The following LRRFIP1 variants were observed in gnomAD, a reference collection of about 807,000 sequenced individuals.
LRRFIP1 encodes LRR binding FLII interacting protein 1, also known as leucine-rich repeat flightless-interacting protein 1.
In LRRFIP1, 62 loss-of-function variants were observed where a neutral mutation model predicts 104.4. That is an observed-to-expected ratio of 0.59 (90% CI 0.48 to 0.73). The LOEUF is 0.73. Ranked by LOEUF, LRRFIP1 falls within the 30% of genes least tolerant of loss-of-function variation. The pLI is 0.00. For synonymous variants in LRRFIP1, 300 were observed against 299.0 expected (o/e 1.00, Z -0.03); for missense variants, 796 against 824.5 (o/e 0.97, Z 0.42).
intron 1 of LRRFIP1, among the ~76,000 whole-genome samples, chr2:237,693,188 T>G (rs1308354344): frequency 1.3e-5 from 2 of 152,228 alleles, no homozygotes; most frequent in African/African-American, 4.8e-5. Context: ...AGCTTGTGGT[T>G]GAACATGAAT....
chr2:237,642,660 A>G (rs2084190511), intron 1 of LRRFIP1, among the ~76,000 whole-genome samples: 1 of 148,232 alleles, frequency 6.7e-6, no homozygotes, highest in African/African-American at 2.5e-5. Context: ...TCTAGGTTCC[A>G]TGTTTCAGGT....
chr2:237,752,170 C>T (rs2058701430), intron 14 of LRRFIP1, among the ~76,000 whole-genome samples: 1 of 152,176 alleles, frequency 6.6e-6, no homozygotes, highest in Admixed American at 6.5e-5. Flanking sequence ...CTTTGGGAGG[C>T]CGAGGTGGGT....
chr2:237,667,626 C>A (rs2089640567), intron 1 of LRRFIP1, among the ~76,000 whole-genome samples: 1 of 152,214 alleles, frequency 6.6e-6, no homozygotes, highest in Non-Finnish European at 1.5e-5. Context: ...CCTGAGGAAT[C>A]CCCACACTGT....
At chr2:237,733,666 C>A in intron 8 of LRRFIP1, 108 bp from the exon 9 acceptor site, 2 of 1,083,784 alleles carry the variant, frequency 1.8e-6, no homozygotes, top group Non-Finnish European at 1.4e-6. Flanking sequence ...AACCACTGTA[C>A]AGCAGTTGGC....
chr2:237,720,260 T>C (rs554968055), intron 5 of LRRFIP1, among the ~76,000 whole-genome samples: 1 of 145,756 alleles, frequency 6.9e-6, no homozygotes, highest in East Asian at 2.1e-4. Flanking sequence ...AAATTACTTT[T>C]TTTTTGAGAT....
chr2:237,779,041 G>A (rs970976218), intron 23 of LRRFIP1, among the ~76,000 whole-genome samples: 3 of 152,192 alleles, frequency 2.0e-5, no homozygotes, highest in African/African-American at 7.2e-5. Flanking sequence ...GGCCAACATG[G>A]CAAAACCCCG....
At chr2:237,640,516 G>A (rs1016623197) in intron 1 of LRRFIP1, among the ~76,000 whole-genome samples, 2 of 152,108 alleles carry the variant, frequency 1.3e-5, no homozygotes, top group Non-Finnish European at 2.9e-5. Context: ...TGGAGGTGGG[G>A]CTGGAGACCC....
chr2:237,667,309 T>C (rs2089575979), intron 1 of LRRFIP1, among the ~76,000 whole-genome samples: 1 of 152,194 alleles, frequency 6.6e-6, no homozygotes, highest in East Asian at 1.9e-4. Context: ...GAGAACATGT[T>C]GGTTTTCTGT....
At position 237,661,442 on chromosome 2, in the gene LRRFIP1, TC is replaced by T. The variant is rs1483537236; in HGVS notation, c.96+33704del. ...GGAAACTTTTTGTTCCCCAAAGCCC[TC>T]CAGCTGGCCGGGCTGCCCTCCCCAG... On this transcript the variant is annotated intron_variant, in intron 1 of 23. Coordinates refer to ENST00000308482, the MANE Select transcript of LRRFIP1 (RefSeq NM_001137550.2). This position sits in a 1 kb window ranked among gnomAD's most constrained non-coding sequence, Gnocchi z 4.4. Among the ~76,000 whole-genome samples the T allele has an allele frequency of 1.1e-4, 17 of 152,088 alleles. No individual in the cohort carries two copies. Among genetic ancestry groups the T allele is most frequent in the Admixed American group, 1.1e-3 (17 of 15,264 alleles).
chr2:237,723,486 A>G, intron 6 of LRRFIP1, 62 bp from the exon 7 acceptor site: 1 of 1,547,074 alleles, frequency 6.5e-7, no homozygotes, highest in Non-Finnish European at 8.9e-7. Context: ...TTAGCTTTTA[A>G]ATTTACTTTT....
intron 6 of LRRFIP1, among the ~76,000 whole-genome samples, chr2:237,722,753 C>G (rs1209694129): frequency 6.6e-6 from 1 of 152,122 alleles, no homozygotes; most frequent in African/African-American, 2.4e-5. Flanking sequence ...CAAACAAGCC[C>G]AGAGTGGTGA....
rs2094511463 is a variant in LRRFIP1 at position 237,720,829 on chromosome 2, A to G, written c.345+7A>G. On this transcript the variant is annotated splice_region_variant and intron_variant, in intron 6 of 23. Transcript: ENST00000308482. ...TAGTCGTGGAAGCCTGAGGGTCAGTAACCAGAATGATGGAGTTTGCATGGC... is the reference window on the plus strand; with the variant it reads ...TAGTCGTGGAAGCCTGAGGGTCAGTGACCAGAATGATGGAGTTTGCATGGC... 4.3e-6 allele frequency: 7 copies of G among 1,613,756 alleles called. No homozygotes were observed. The highest frequency in any genetic ancestry group is 5.9e-6 in the Non-Finnish European group (7 of 1,179,638).
intron 1 of LRRFIP1, among the ~76,000 whole-genome samples, chr2:237,695,229 T>A (rs2093093087): frequency 6.6e-6 from 1 of 152,316 alleles, no homozygotes; most frequent in Non-Finnish European, 1.5e-5. Context: ...TTTCCCTTTT[T>A]CTTTAAGAGT....
chr2:237,673,282 G>A lies in LRRFIP1; in HGVS notation c.97-35262G>A, dbSNP rs574604537. 5.2e-4 allele frequency among the ~76,000 whole-genome samples: 79 copies of A among 152,348 alleles called. 2 individuals carry two copies. In the South Asian group the frequency reaches 0.016, roughly 31 times the overall value. Reference sequence around the variant, plus strand: ...TGGTCTGTAGGAGATGGGACAATGCGGGGACAGCGCTGGGAGGGCCCGCAG... The same window carrying A: ...TGGTCTGTAGGAGATGGGACAATGCAGGGACAGCGCTGGGAGGGCCCGCAG... On this transcript the variant is annotated intron_variant, in intron 1 of 23. Coordinates refer to ENST00000308482, the MANE Select transcript of LRRFIP1 (RefSeq NM_001137550.2).
At position 237,760,165 on chromosome 2, in the gene LRRFIP1, A is replaced by G; in HGVS notation, c.1419A>G (p.Glu473=). ...AAGGTCCTACCAAGATGACAAAAGA[A>G]GAGTTAAATGCCCTCAAGTCGACAG... ...GYQGPTKMTK[E]ELNALKSTGD... The change falls in exon 19 of 24, where the codon GAA becomes GAG. Residue 473 remains glutamate (E), a synonymous_variant. Transcript: ENST00000308482. 6.2e-7 allele frequency: 1 copy of G among 1,614,164 alleles called. No homozygotes were observed. Among genetic ancestry groups the G allele is most frequent in the Non-Finnish European group, 8.5e-7 (1 of 1,180,000 alleles).
intron 8 of LRRFIP1, among the ~76,000 whole-genome samples, chr2:237,730,890 C>T (rs193220273): frequency 3.9e-5 from 6 of 152,086 alleles, no homozygotes; most frequent in African/African-American, 1.5e-4. Context: ...TGCACTCCAG[C>T]CTGGGCGACA....
chr2:237,720,244 G>A (rs1027669589), intron 5 of LRRFIP1, among the ~76,000 whole-genome samples: 2 of 148,970 alleles, frequency 1.3e-5, no homozygotes, highest in African/African-American at 5.0e-5. Context: ...ACCGTGCCTG[G>A]CCCTGAAATT....
At chr2:237,733,218 G>C (rs2095090557) in intron 8 of LRRFIP1, among the ~76,000 whole-genome samples, 1 of 152,192 alleles carries the variant, frequency 6.6e-6, no homozygotes. Context: ...GTGCTAGGCA[G>C]GATTCTCCTT....
chr2:237,770,907 G>A (rs2060561714), intron 20 of LRRFIP1: 1 of 152,168 alleles, frequency 6.6e-6, no homozygotes, highest in Non-Finnish European at 1.5e-5. Context: ...CTAATCAAAT[G>A]TATTTGCCTT....
Sources: gnomAD v4.1 joint callset for allele counts (sites outside exome capture counted in the v4.1 genomes callset) on GRCh38, gnomAD v4.1.1 for gene constraint, Gnocchi (gnomAD v3.1) non-coding constraint, MANE v1.5 for transcripts, NCBI Gene and HGNC (gene_info 2026-07-23, HGNC 2026-07-21) for gene names.